Variants in EPS15L1 observed in about 807,000 individuals in gnomAD.
The protein encoded by EPS15L1 is epidermal growth factor receptor substrate 15-like 1.
A neutral mutation model predicts 117.1 loss-of-function variants in EPS15L1; 43 were observed. The ratio of observed to expected loss-of-function variants is 0.37; its 90% CI spans 0.29 to 0.47. The LOEUF is 0.47. Among genes scored for constraint, EPS15L1 ranks in the 20% least tolerant of loss-of-function variants. The pLI, the probability that EPS15L1 is intolerant of heterozygous loss-of-function variation, is 0.99. For missense variants in EPS15L1, 981 were observed against 1,164.0 expected (o/e 0.84, Z 2.29); for synonymous variants, 459 against 470.5 (o/e 0.98, Z 0.32).
chr19:16,445,939 T>C (rs953610166), intron 1 of EPS15L1, among the ~76,000 whole-genome samples: 2 of 152,240 alleles, frequency 1.3e-5, no homozygotes, highest in South Asian at 2.1e-4. Context: ...GCCTCTGCAG[T>C]GTGTGAATTG....
chr19:16,377,042 G>A, intron 22 of EPS15L1, 80 bp downstream of exon 22: 1 of 1,494,644 alleles, frequency 6.7e-7, no homozygotes, highest in South Asian at 1.3e-5. Flanking sequence ...TGCTACTCTG[G>A]GCTGGTGAGC....
In EPS15L1 at chr19:16,405,928, G is replaced by A. The variant is rs1023244944; in HGVS notation, c.1267-1179C>T. Among the ~76,000 whole-genome samples the A allele has an allele frequency of 2.6e-5, 4 of 152,240 alleles. No homozygotes were observed. The highest frequency in any genetic ancestry group is 2.1e-4 in the South Asian group (1 of 4,834). Reference sequence around the variant, plus strand: ...AGCCTCCTCCCTCCAGCTGCCATGTGGAGCGTGGTGCAAGGGGCCATCAGG... The same window carrying A: ...AGCCTCCTCCCTCCAGCTGCCATGTAGAGCGTGGTGCAAGGGGCCATCAGG... On this transcript the variant is annotated intron_variant, in intron 13 of 23. Transcript: ENST00000455140. This position sits in a 1 kb window ranked among gnomAD's most constrained non-coding sequence, Gnocchi z 4.0.
chr19:16,422,973 G>T (rs1027373452), intron 9 of EPS15L1, among the ~76,000 whole-genome samples: 38 of 150,768 alleles, frequency 2.5e-4, no homozygotes, highest in Non-Finnish European at 3.7e-4. Flanking sequence ...AAAAAAAAGG[G>T]GGGGGGGATT....
intron 17 of EPS15L1, among the ~76,000 whole-genome samples, chr19:16,394,564 T>C (rs545971520): frequency 6.6e-6 from 1 of 152,304 alleles, no homozygotes; most frequent in South Asian, 2.1e-4. Flanking sequence ...GGAAATACTG[T>C]TTTGCTCTGA....
At position 16,429,462 on chromosome 19, in the gene EPS15L1, C is replaced by T. The variant is rs1410026789; in HGVS notation, c.499-701G>A. Among the ~76,000 whole-genome samples the T allele has an allele frequency of 2.0e-5, 3 of 152,312 alleles. No homozygotes were observed. The East Asian group carries it at 5.8e-4, about 29-fold the overall frequency. ...GCTCTATCCATGATGCTTCATGTGTCAGCATCACCTCTCTCCAGCCAATCA... is the reference window on the plus strand; with the variant it reads ...GCTCTATCCATGATGCTTCATGTGTTAGCATCACCTCTCTCCAGCCAATCA... On this transcript the variant is annotated intron_variant, in intron 7 of 23. Coordinates refer to ENST00000455140, the MANE Select transcript of EPS15L1 (RefSeq NM_001258374.3).
intron 7 of EPS15L1, among the ~76,000 whole-genome samples, chr19:16,431,165 G>T (rs2092923704): frequency 6.6e-6 from 1 of 151,724 alleles, no homozygotes; most frequent in Non-Finnish European, 1.5e-5. Context: ...CTCGAACCAG[G>T]GAGGCGGAGG....
At chr19:16,362,926 C>T (rs2092078974) in intron 22 of EPS15L1, among the ~76,000 whole-genome samples, 1 of 152,102 alleles carries the variant, frequency 6.6e-6, no homozygotes, top group African/African-American at 2.4e-5. Flanking sequence ...ATGCCCGGTC[C>T]CAGCAAGGTA....
intron 12 of EPS15L1, 126 bp from the exon 13 acceptor site, chr19:16,413,971 C>G (rs1019347210): frequency 4.6e-5 from 32 of 698,002 alleles, no homozygotes; most frequent in South Asian, 1.0e-4. Context: ...AAGAATGAGA[C>G]CCAGCGACTG....
chr19:16,430,545 C>T (rs1175575569), intron 7 of EPS15L1, among the ~76,000 whole-genome samples: 2 of 152,260 alleles, frequency 1.3e-5, no homozygotes, highest in African/African-American at 4.8e-5. Flanking sequence ...ACGCAGAGCA[C>T]TAGGGCCCGG....
rs1193990387 is a variant in EPS15L1 at position 16,381,125 on chromosome 19, C to T, written c.2248-3871G>A. On this transcript the variant is annotated intron_variant, in intron 21 of 23. Transcript: ENST00000455140. The surrounding 1 kb of genome is among the most constrained non-coding windows in gnomAD (Gnocchi z 4.2). Reference sequence around the variant, plus strand: ...CACCAGATCCCTTCCCTGGGCTTCACGCCGCCCTCTGAAGCTGCCCAGGCA... The same window carrying T: ...CACCAGATCCCTTCCCTGGGCTTCATGCCGCCCTCTGAAGCTGCCCAGGCA... 2.0e-5 allele frequency among the ~76,000 whole-genome samples: 3 copies of T among 152,262 alleles called. No individual in the cohort carries two copies. Among genetic ancestry groups the T allele is most frequent in the African/African-American group, 7.2e-5 (3 of 41,476 alleles).
chr19:16,394,421 AC>A (rs1350156490), intron 17 of EPS15L1, among the ~76,000 whole-genome samples: 1 of 151,766 alleles, frequency 6.6e-6, no homozygotes, highest in African/African-American at 2.4e-5. Flanking sequence ...AGGCGGCGGC[AC>A]CCCTGGGCTT....
At chr19:16,407,054 T>A (rs924959433) in intron 13 of EPS15L1, among the ~76,000 whole-genome samples, 6 of 152,194 alleles carry the variant, frequency 3.9e-5, no homozygotes, top group Non-Finnish European at 7.4e-5. Context: ...GGCCCCTTGA[T>A]CTTGGACTTC....
intron 1 of EPS15L1, among the ~76,000 whole-genome samples, chr19:16,465,073 A>G (rs77903322): frequency 0.037 from 5,579 of 149,182 alleles, 229 homozygotes; most frequent in Admixed American, 0.092. Flanking sequence ...AGCGAGACTT[A>G]GTCTCAAAAA....
intron 21 of EPS15L1, among the ~76,000 whole-genome samples, chr19:16,380,371 A>G (rs1240987682): frequency 6.6e-6 from 1 of 152,108 alleles, no homozygotes; most frequent in Non-Finnish European, 1.5e-5. Flanking sequence ...ACACAGACAC[A>G]GCCGTCTAAG....
intron 1 of EPS15L1, among the ~76,000 whole-genome samples, chr19:16,452,925 T>A (rs568085412): frequency 6.6e-6 from 1 of 152,052 alleles, no homozygotes; most frequent in Non-Finnish European, 1.5e-5. Context: ...GCCTCCCGAA[T>A]AGCTAGGACT....
Position 16,355,714 on chromosome 19 carries a change from A to T in EPS15L1, c.2724T>A (p.Pro908=). Residue 908 remains proline (P), a synonymous_variant, in exon 24 of 24, where the codon CCT becomes CCA. Transcript: ENST00000455140. ...TACACACGGCCCTCGCCTAGGCGGC[A>T]GGCATGTCAGCCTTGCTGAGCGCGA... ...LAIALSKADM[P]AA 6.5e-7 allele frequency: 1 copy of T among 1,535,692 alleles called. No individual in the cohort carries two copies. The highest frequency in any genetic ancestry group is 8.7e-7 in the Non-Finnish European group (1 of 1,146,598).
At chr19:16,410,738 T>C (rs954357040) in intron 13 of EPS15L1, among the ~76,000 whole-genome samples, 1 of 151,756 alleles carries the variant, frequency 6.6e-6, no homozygotes, top group Non-Finnish European at 1.5e-5. Flanking sequence ...CAGTGAGACC[T>C]TGTCGCTGCA....
At chr19:16,412,843 G>A in intron 13 of EPS15L1, 1 of 537,218 alleles carries the variant, frequency 1.9e-6, no homozygotes, top group South Asian at 1.6e-5. Context: ...AGGCCACGGA[G>A]CTTGCAGAGG....
chr19:16,448,250 G>A (rs1367922799), intron 1 of EPS15L1, among the ~76,000 whole-genome samples: 1 of 152,200 alleles, frequency 6.6e-6, no homozygotes, highest in Non-Finnish European at 1.5e-5. Context: ...GCCATGTAAG[G>A]CCTGGCGTGG....
Sources: allele counts gnomAD v4.1 joint callset (sites outside exome capture counted in the v4.1 genomes callset), GRCh38; gene constraint gnomAD v4.1.1; non-coding constraint Gnocchi (gnomAD v3.1); transcripts MANE v1.5; gene names NCBI Gene and HGNC (gene_info 2026-07-23, HGNC 2026-07-21).